The following ALG1 variants were observed in gnomAD, a reference collection of about 807,000 sequenced individuals.
The protein encoded by ALG1 is chitobiosyldiphosphodolichol beta-mannosyltransferase.
In ALG1, 58 loss-of-function variants were observed where a neutral mutation model predicts 55.1. That is an observed-to-expected ratio of 1.05 (90% CI 0.85 to 1.31). ALG1 has a LOEUF of 1.31. Among genes scored for constraint, ALG1 ranks in the 50% most tolerant of loss-of-function variants. ALG1 has a pLI of 0.00. For missense variants in ALG1, 761 were observed against 598.6 expected (o/e 1.27, Z -2.83); for synonymous variants, 309 against 247.0 (o/e 1.25, Z -2.35).
chr16:5,077,539 C>A lies in ALG1; in HGVS notation c.629+5C>A, dbSNP rs746908971. 3.7e-6 allele frequency: 6 copies of A among 1,613,916 alleles called. No homozygotes were observed. Among genetic ancestry groups the A allele is most frequent in the Non-Finnish European group, 5.1e-6 (6 of 1,179,918 alleles). On this transcript the variant is annotated splice_donor_5th_base_variant and intron_variant, in intron 5 of 12. Transcript: ENST00000262374. ...GGCGGATAACTGGCACATCAGGTAC[C>A]ATGGCCTGGGATGACGGCGGCCTGG... is the stretch of plus-strand genomic sequence containing the variant.
intron 4 of ALG1, among the ~76,000 whole-genome samples, chr16:5,076,439 A>T (rs144547666): frequency 7.5e-4 from 115 of 152,354 alleles, no homozygotes; most frequent in Middle Eastern, 3.4e-3. Context: ...TATGCACCTC[A>T]GGAGGGTGTA....
intron 8 of ALG1, among the ~76,000 whole-genome samples, chr16:5,079,516 C>T (rs1364891885): frequency 1.3e-5 from 2 of 152,208 alleles, no homozygotes; most frequent in African/African-American, 4.8e-5. Flanking sequence ...AGGGCGAAAC[C>T]TGTCTCTACT....
At chr16:5,082,770 C>T (rs1240099872) in intron 11 of ALG1, 97 bp downstream of exon 11, 3 of 1,445,836 alleles carry the variant, frequency 2.1e-6, no homozygotes, top group African/African-American at 2.8e-5. Context: ...GAGGCCCTGC[C>T]CCTCGGTCAG....
At position 5,071,886 on chromosome 16, in the gene ALG1, CT is replaced by C; in HGVS notation, c.38del (p.Leu13ArgfsTer23). 6.2e-7 allele frequency: 1 copy of C among 1,602,294 alleles called. No homozygotes were observed. On this transcript the variant is annotated frameshift_variant, in exon 1 of 13. Coordinates refer to ENST00000262374, the MANE Select transcript of ALG1 (RefSeq NM_019109.5). LOFTEE classifies it high-confidence loss of function. ...ATGCTTGGTCCTGCTGGCGCTGTGT[CT>C]GCTGCTGCCGCTGCTGCTGCTGGGA... ...ASCLVLLALC[L>X]LLPLLLLGGW...
At chr16:5,076,262 C>T (rs1019087714) in intron 4 of ALG1, among the ~76,000 whole-genome samples, 1 of 152,248 alleles carries the variant, frequency 6.6e-6, no homozygotes, top group African/African-American at 2.4e-5. Context: ...CGGCCTTGGG[C>T]CATTGGCTGG....
chr16:5,073,253 C>T lies in ALG1; in HGVS notation c.387C>T (p.Leu129=). The change falls in exon 3 of 13, where the codon CTC becomes CTT. Residue 129 remains leucine (L), a synonymous_variant. Transcript: ENST00000262374. ...GGGAGCCAGGTGCCTATATCTTTCT[C>T]CAGGTGTGTATCAGCCTCTGCCTCC... ...MWREPGAYIF[L]QNPPGLPSIA... 2 of 1,613,924 alleles carry T rather than the reference C, an allele frequency of 1.2e-6. No homozygotes were observed. The highest frequency in any genetic ancestry group is 1.7e-6 in the Non-Finnish European group (2 of 1,179,888).
Position 5,084,912 on chromosome 16 carries a change from C to A in ALG1, c.*31C>A. The A allele has an allele frequency of 6.3e-7, 1 of 1,596,342 alleles. No individual in the cohort carries two copies. Among genetic ancestry groups the A allele is most frequent in the South Asian group, 1.1e-5 (1 of 90,982 alleles). ...GGGCCAGAGGCTAAAACCCCAGGAC[C>A]CCTGCTGTCCTTCCCGCAGCTTCTT... On this transcript the variant is annotated 3_prime_UTR_variant, in exon 13 of 13. Transcript: ENST00000262374.
In ALG1 at chr16:5,086,083, C is replaced by G. The variant is rs1201248715; in HGVS notation, c.*1202C>G. Among the ~76,000 whole-genome samples, 5 of 152,200 alleles carry G rather than the reference C, an allele frequency of 3.3e-5. No homozygotes were observed. The highest frequency in any genetic ancestry group is 5.9e-5 in the Non-Finnish European group (4 of 68,028). On this transcript the variant is annotated 3_prime_UTR_variant, in exon 13 of 13. Coordinates refer to ENST00000262374, the MANE Select transcript of ALG1 (RefSeq NM_019109.5). ...GGGCACAGTGGCTCATGCCTGTAAT[C>G]CCAACACTTTGGGAGGCCAAGGCGG... is the stretch of plus-strand genomic sequence containing the variant.
At position 5,079,826 on chromosome 16, in the gene ALG1, G is replaced by A. The variant is rs768688738; in HGVS notation, c.961+19G>A. The A allele has an allele frequency of 1.8e-5, 29 of 1,611,158 alleles. No individual in the cohort carries two copies. Among genetic ancestry groups the A allele is most frequent in the Non-Finnish European group, 2.2e-5 (26 of 1,179,290 alleles). On this transcript the variant is annotated intron_variant, in intron 9 of 12. Coordinates refer to ENST00000262374, the MANE Select transcript of ALG1 (RefSeq NM_019109.5). ...ATAACAGGTACTGCCTGGGACCCTG[G>A]GTGTCTGTTTGGTTGGGGGATGGCG...
intron 1 of ALG1, chr16:5,072,287 C>G: frequency 7.0e-7 from 1 of 1,437,004 alleles, no homozygotes; most frequent in Admixed American, 2.6e-5. Context: ...ATTGCGTGGT[C>G]TCACGTAATT....
Position 5,078,136 on chromosome 16 carries a change from C to T in ALG1, c.740+119C>T, listed in dbSNP as rs1052527830. On this transcript the variant is annotated intron_variant, in intron 6 of 12. Coordinates refer to ENST00000262374, the MANE Select transcript of ALG1 (RefSeq NM_019109.5). ...GGGTTGGCAAACTAAGGCTACAGGCCAGTCTGCTGCTTTTGTAAATCAAGT... is the reference window on the plus strand; with the variant it reads ...GGGTTGGCAAACTAAGGCTACAGGCTAGTCTGCTGCTTTTGTAAATCAAGT... 3 of 1,105,862 alleles carry T rather than the reference C, an allele frequency of 2.7e-6. No homozygotes were observed. In the African/African-American group the frequency reaches 4.7e-5, roughly 17 times the overall value. 68.5% of individuals were successfully genotyped at this position (1,105,862 alleles called of 1,614,324 possible).
chr16:5,077,392 G>C (rs1360394707), intron 4 of ALG1, 53 bp from the exon 5 acceptor site: 1 of 1,458,662 alleles, frequency 6.9e-7, no homozygotes, highest in Non-Finnish European at 9.6e-7. Context: ...TCACGCTGTG[G>C]TGGTAGCGGA....
Position 5,079,181 on chromosome 16 carries a change from A to G in ALG1, c.901+79A>G. 2.6e-6 allele frequency: 4 copies of G among 1,547,172 alleles called. No homozygotes were observed. The South Asian group carries it at 3.4e-5, about 13-fold the overall frequency. On this transcript the variant is annotated intron_variant, in intron 8 of 12. Transcript: ENST00000262374. ...GTAAGCTGCTTGCCTGGCCTGCAGCATGTTCCTGTCCCAGGCCACTGGGTG... is the reference window on the plus strand; with the variant it reads ...GTAAGCTGCTTGCCTGGCCTGCAGCGTGTTCCTGTCCCAGGCCACTGGGTG...
At position 5,086,493 on chromosome 16, in the gene ALG1, G is replaced by A. The variant is rs541882964; in HGVS notation, c.*1612G>A. ...AGATATGATCTTGTTCTGTCACCCA[G>A]GCTGGAGTGCAGTGGCACAGTCATT... On this transcript the variant is annotated 3_prime_UTR_variant, in exon 13 of 13. Transcript: ENST00000262374. 5.9e-5 allele frequency: 9 copies of A among 152,136 alleles called. No individual in the cohort carries two copies. Among genetic ancestry groups the A allele is most frequent in the African/African-American group, 2.2e-4 (9 of 41,416 alleles). 9.4% of individuals were successfully genotyped at this position (152,136 alleles called of 1,614,324 possible). A position where few individuals can be genotyped will look rare whatever the true frequency, so the allele number is the denominator to read the frequency against.
chr16:5,079,868 C>T (rs1956985547), intron 9 of ALG1, 61 bp downstream of exon 9: 1 of 1,560,460 alleles, frequency 6.4e-7, no homozygotes, highest in Admixed American at 1.7e-5. Flanking sequence ...GAGGGGCACG[C>T]AGCCTTTACC....
In ALG1 at chr16:5,085,040, C is replaced by G; in HGVS notation, c.*159C>G. The G allele has an allele frequency of 7.2e-7, 1 of 1,383,344 alleles. No homozygotes were observed. The highest frequency in any genetic ancestry group is 9.9e-7 in the Non-Finnish European group (1 of 1,010,308). 85.7% of individuals were successfully genotyped at this position (1,383,344 alleles called of 1,614,324 possible). ...TGGTAAAAGAATTGGTTCTGTGACC[C>G]GGGAAGCTTTGGTTGGCCTTGATTT... On this transcript the variant is annotated 3_prime_UTR_variant, in exon 13 of 13. Transcript: ENST00000262374.
chr16:5,078,709 C>T, intron 6 of ALG1, 48 bp from the exon 7 acceptor site: 1 of 1,611,906 alleles, frequency 6.2e-7, no homozygotes. Context: ...CTCCTGGGTC[C>T]CGGGCCTGCT....
chr16:5,074,915 G>C (rs1260404394), intron 3 of ALG1, among the ~76,000 whole-genome samples: 1 of 152,060 alleles, frequency 6.6e-6, no homozygotes, highest in Non-Finnish European at 1.5e-5. Context: ...TTGTTTGTTT[G>C]TTTTAGAGGC....
Position 5,080,981 on chromosome 16 carries a change from A to T in ALG1, c.997A>T (p.Ile333Phe). ...GPLREYYSRL[I>F]HQKHFQHIQV... is the part of the protein sequence containing the mutation. ...TCTGAGGGAGTATTATAGCCGCCTCATCCACCAGAAGCACTTCCAGCACAT... is the reference window on the plus strand; with the variant it reads ...TCTGAGGGAGTATTATAGCCGCCTCTTCCACCAGAAGCACTTCCAGCACAT... The change falls in exon 10 of 13, where the codon ATC (isoleucine) becomes TTC (phenylalanine). Residue 333 changes from isoleucine (I) to phenylalanine (F), a missense_variant. Coordinates refer to ENST00000262374, the MANE Select transcript of ALG1 (RefSeq NM_019109.5). The T allele has an allele frequency of 6.3e-7, 1 of 1,596,380 alleles. No homozygotes were observed. The highest frequency in any genetic ancestry group is 1.1e-5 in the South Asian group (1 of 90,996).
Sources: gnomAD v4.1 joint callset for allele counts (sites outside exome capture counted in the v4.1 genomes callset) on GRCh38, gnomAD v4.1.1 for gene constraint, MANE v1.5 for transcripts, NCBI Gene and HGNC (gene_info 2026-07-23, HGNC 2026-07-21) for gene names.